Variants in PNPLA1 observed in about 807,000 individuals in gnomAD.
The protein encoded by PNPLA1 is patatin like domain 1, omega-hydroxyceramide transacylase.
Under a neutral mutation model 51.7 loss-of-function variants are expected in PNPLA1, and 36 were observed. That is an observed-to-expected ratio of 0.70 (90% CI 0.53 to 0.92). PNPLA1 has a LOEUF of 0.92. Ranked by LOEUF, PNPLA1 falls within the 40% of genes least tolerant of loss-of-function variation. The pLI, the probability that PNPLA1 is intolerant of heterozygous loss-of-function variation, is 0.00. For synonymous variants in PNPLA1, 293 were observed against 280.1 expected (o/e 1.05, Z -0.46); for missense variants, 658 against 682.5 (o/e 0.96, Z 0.40).
At chr6:36,308,512 TAGTC>T (rs1245034945) in intron 8 of PNPLA1, 2 of 152,206 alleles carry the variant, frequency 1.3e-5, no homozygotes, top group Admixed American at 6.5e-5. Context: ...GTCTTTGACT[TAGTC>T]AGTCAACACT....
At chr6:36,280,078 T>C (rs963288218) in intron 1 of PNPLA1, among the ~76,000 whole-genome samples, 2 of 152,182 alleles carry the variant, frequency 1.3e-5, no homozygotes, top group Non-Finnish European at 2.9e-5. Flanking sequence ...TGGTGGTGCG[T>C]GCCTGTAGTC....
chr6:36,277,008 G>A (rs1195595234), intron 1 of PNPLA1, among the ~76,000 whole-genome samples: 9 of 152,204 alleles, frequency 5.9e-5, no homozygotes, highest in Non-Finnish European at 1.3e-4. Context: ...AAACATGGAA[G>A]GCCTCATAGA....
intron 1 of PNPLA1, among the ~76,000 whole-genome samples, chr6:36,273,892 A>G (rs559821631): frequency 2.0e-5 from 3 of 152,216 alleles, no homozygotes; most frequent in African/African-American, 7.2e-5. Context: ...AAGGACATCA[A>G]GCAGTGGGGT....
At chr6:36,300,305 C>T (rs1307122774) in intron 5 of PNPLA1, among the ~76,000 whole-genome samples, 1 of 151,080 alleles carries the variant, frequency 6.6e-6, no homozygotes, top group Non-Finnish European at 1.5e-5. Flanking sequence ...TGCCATTCTC[C>T]TGCCTCAGCC....
chr6:36,288,753 C>T (rs557922202), intron 1 of PNPLA1, among the ~76,000 whole-genome samples: 7 of 152,130 alleles, frequency 4.6e-5, no homozygotes, highest in South Asian at 2.1e-4. Context: ...CCACCATGCC[C>T]GGCTGGAGAC....
At chr6:36,274,785 T>G (rs11758287) in intron 1 of PNPLA1, among the ~76,000 whole-genome samples, 5,217 of 152,316 alleles carry the variant, frequency 0.034, 126 homozygotes, top group Middle Eastern at 0.14. Context: ...CTATCCTGAC[T>G]GCTAGTGATG....
chr6:36,303,613 C>A (rs1771142770), intron 6 of PNPLA1, among the ~76,000 whole-genome samples: 1 of 152,144 alleles, frequency 6.6e-6, no homozygotes, highest in South Asian at 2.1e-4. Flanking sequence ...GGGTGGATCA[C>A]CTGAGGTCAG....
chr6:36,298,655 G>A (rs1000053623), intron 5 of PNPLA1, among the ~76,000 whole-genome samples: 3 of 152,160 alleles, frequency 2.0e-5, no homozygotes, highest in African/African-American at 7.2e-5. Flanking sequence ...GGAATCATGC[G>A]GTATTTGTCT....
chr6:36,312,531 G>C lies in PNPLA1; in HGVS notation c.*645G>C, dbSNP rs1771429609. 6.6e-6 allele frequency among the ~76,000 whole-genome samples: 1 copy of C among 152,162 alleles called. No individual in the cohort carries two copies. The highest frequency in any genetic ancestry group is 6.5e-5 in the Admixed American group (1 of 15,278). On this transcript the variant is annotated 3_prime_UTR_variant, in exon 9 of 9. Transcript: ENST00000636260. ...GATCCCCGGTGGAACTAAGGTTAGG[G>C]AAGTCCTAGATGGGGGATTTCCTAG...
chr6:36,261,060 C>G (rs1018794710), intron 1 of PNPLA1, among the ~76,000 whole-genome samples: 24 of 152,324 alleles, frequency 1.6e-4, no homozygotes, highest in African/African-American at 5.5e-4. Context: ...AACGGCTGGG[C>G]TCAAGCAATC....
At chr6:36,256,622 AT>A (rs1400818543) in intron 1 of PNPLA1, among the ~76,000 whole-genome samples, 2 of 151,724 alleles carry the variant, frequency 1.3e-5, no homozygotes, top group Non-Finnish European at 2.9e-5. Context: ...TAATTTTTGT[AT>A]TTTTAGTGGA....
At chr6:36,282,556 A>C (rs1011964836) in intron 1 of PNPLA1, among the ~76,000 whole-genome samples, 2 of 152,272 alleles carry the variant, frequency 1.3e-5, no homozygotes, top group Non-Finnish European at 2.9e-5. Flanking sequence ...CTATTTGGAA[A>C]GCAACTCATG....
At chr6:36,261,541 G>C (rs776110483) in intron 1 of PNPLA1, among the ~76,000 whole-genome samples, 1 of 152,242 alleles carries the variant, frequency 6.6e-6, no homozygotes, top group African/African-American at 2.4e-5. Flanking sequence ...TCAGGCTTGT[G>C]AGTTTGGTGA....
chr6:36,300,178 T>TGTGTGTGTGTGTGTGAGA, intron 5 of PNPLA1, among the ~76,000 whole-genome samples: 39 of 98,138 alleles, frequency 4.0e-4, no homozygotes, highest in African/African-American at 1.2e-3. Context: ...TGTGTGTGTG[T>TGTGTGTGTGTGTGTGAGA]GAGAGAGAGA....
intron 1 of PNPLA1, among the ~76,000 whole-genome samples, chr6:36,286,331 T>TG (rs1770486603): frequency 1.3e-5 from 2 of 152,194 alleles, no homozygotes; most frequent in African/African-American, 2.4e-5. Context: ...AAAGACTCTC[T>TG]GATCAGCTGG....
rs1458980938 is a variant in PNPLA1, at chr6:36,291,401, T to C, written c.287T>C (p.Met96Thr). 2 of 1,614,112 alleles carry C rather than the reference T, an allele frequency of 1.2e-6. No individual in the cohort carries two copies. The highest frequency in any genetic ancestry group is 1.3e-5 in the African/African-American group (1 of 75,018). ...GGGCCCTTGTCCCCGTCCTGTAAGA[T>C]GGTGCAGATGATGAGGCAGTTTCTG... Reference protein sequence around the residue: ...FLGPLSPSCKMVQMMRQFLYR... With the variant: ...FLGPLSPSCKTVQMMRQFLYR... The change falls in exon 2 of 9, where the codon ATG (methionine) becomes ACG (threonine). Residue 96 changes from methionine (M) to threonine (T), a missense_variant. Physicochemically the swap from Met to Thr is moderately conservative, Grantham distance 81. Transcript: ENST00000636260.
chr6:36,251,588 C>A (rs943033824), intron 1 of PNPLA1, among the ~76,000 whole-genome samples: 3 of 152,146 alleles, frequency 2.0e-5, no homozygotes, highest in African/African-American at 7.2e-5. Flanking sequence ...TCAGTTGATA[C>A]CATGGCCAAA....
upstream of PNPLA1, among the ~76,000 whole-genome samples, chr6:36,269,829 G>C (rs1269728731): frequency 1.3e-5 from 2 of 152,236 alleles, no homozygotes; most frequent in African/African-American, 2.4e-5. Flanking sequence ...AAAAATGCTT[G>C]TGTAACACAT....
At chr6:36,256,124 T>A (rs1199366376) in intron 1 of PNPLA1, among the ~76,000 whole-genome samples, 4 of 151,980 alleles carry the variant, frequency 2.6e-5, no homozygotes, top group Non-Finnish European at 5.9e-5. Flanking sequence ...TGATGCAGAT[T>A]TTTAAGGCAG....
Sources: allele counts gnomAD v4.1 joint callset (sites outside exome capture counted in the v4.1 genomes callset), GRCh38; gene constraint gnomAD v4.1.1; transcripts MANE v1.5; gene names NCBI Gene and HGNC (gene_info 2026-07-23, HGNC 2026-07-21).